Variants in PTPRN2 observed in about 807,000 individuals in gnomAD.
PTPRN2 encodes the protein receptor-type tyrosine-protein phosphatase N2.
A neutral mutation model predicts 118.8 loss-of-function variants in PTPRN2; 74 were observed. The observed-to-expected ratio is 0.62, with a 90% confidence interval of 0.52 to 0.76. The LOEUF is 0.76. Ranked by LOEUF, PTPRN2 falls within the 30% of genes least tolerant of loss-of-function variation. The pLI, the probability that PTPRN2 is intolerant of heterozygous loss-of-function variation, is 0.00. For missense variants in PTPRN2, 1,481 were observed against 1,394.4 expected, an observed-to-expected ratio of 1.06 and a Z score of -0.99; for synonymous variants, 641 against 608.0, an observed-to-expected ratio of 1.05 and a Z score of -0.80.
At chr7:157,570,971 G>A (rs1448377673) in intron 20 of PTPRN2, among the ~76,000 whole-genome samples, 2 of 152,150 alleles carry the variant, frequency 1.3e-5, no homozygotes, top group African/African-American at 2.4e-5. Flanking sequence ...GAGGCCTCGC[G>A]CGGTGGCTCA....
chr7:157,709,535 A>C (rs1409036624), intron 12 of PTPRN2, among the ~76,000 whole-genome samples: 1 of 152,088 alleles, frequency 6.6e-6, no homozygotes, highest in African/African-American at 2.4e-5. Flanking sequence ...TTCCCTCCCA[A>C]GTGGGCACCC....
chr7:157,887,022 A>ACACCCAC (rs1796494341), intron 12 of PTPRN2, among the ~76,000 whole-genome samples: 1 of 151,654 alleles, frequency 6.6e-6, no homozygotes, highest in East Asian at 1.9e-4. Context: ...CCAAGCCCAC[A>ACACCCAC]GCGGGCCTGT....
intron 12 of PTPRN2, among the ~76,000 whole-genome samples, chr7:157,696,801 A>G: frequency 7.1e-6 from 1 of 141,354 alleles, no homozygotes; most frequent in African/African-American, 2.7e-5. Flanking sequence ...GGATCTTGGC[A>G]GAGCCCTCAC....
chr7:157,842,322 C>T (rs1808481422), intron 12 of PTPRN2, among the ~76,000 whole-genome samples: 1 of 151,420 alleles, frequency 6.6e-6, no homozygotes, highest in African/African-American at 2.4e-5. Flanking sequence ...TCTATCTGCT[C>T]TTATTTTCCC....
In PTPRN2 at chr7:157,671,712, G is replaced by A. The variant is rs540909773; in HGVS notation, c.2001+11013C>T. Among the ~76,000 whole-genome samples, 65 of 152,206 alleles carry A rather than the reference G, an allele frequency of 4.3e-4. 2 individuals carry two copies. The South Asian group carries it at 4.8e-3, about 11-fold the overall frequency. On this transcript the variant is annotated intron_variant, in intron 13 of 22. Coordinates refer to ENST00000389418, the MANE Select transcript of PTPRN2 (RefSeq NM_002847.5). This position sits in a 1 kb window ranked among gnomAD's most constrained non-coding sequence, Gnocchi z 4.1. ...CTGGAGCAGCTGCTTCTCCATTTTC[G>A]GAACTGCACGTCGTTCTGGGGCCCA...
At chr7:157,792,989 T>C (rs1804614626) in intron 12 of PTPRN2, among the ~76,000 whole-genome samples, 1 of 152,234 alleles carries the variant, frequency 6.6e-6, no homozygotes, top group African/African-American at 2.4e-5. Flanking sequence ...TTGGGATTAA[T>C]CAGCAGTGAT....
chr7:157,609,073 C>T lies in PTPRN2; in HGVS notation c.2345-4998G>A, dbSNP rs530284283. ...CTGACCCTTTACTGTGTTTATCATG[C>T]GTTAGTGCCTTGTTCAACAATATTT... is the stretch of plus-strand genomic sequence containing the variant. On this transcript the variant is annotated intron_variant, in intron 15 of 22. Coordinates refer to ENST00000389418, the MANE Select transcript of PTPRN2 (RefSeq NM_002847.5). This position sits in a 1 kb window ranked among gnomAD's most constrained non-coding sequence, Gnocchi z 4.9. Among the ~76,000 whole-genome samples the T allele has an allele frequency of 5.9e-5, 9 of 152,244 alleles. No individual in the cohort carries two copies. Among genetic ancestry groups the T allele is most frequent in the Admixed American group, 1.3e-4 (2 of 15,280 alleles).
At chr7:157,999,513 AG>A in intron 11 of PTPRN2, among the ~76,000 whole-genome samples, 1 of 152,264 alleles carries the variant, frequency 6.6e-6, no homozygotes, top group South Asian at 2.1e-4. Flanking sequence ...CCACCAACAC[AG>A]GCAGGGGAAA....
chr7:158,446,131 C>T (rs1313532647), intron 2 of PTPRN2, among the ~76,000 whole-genome samples: 1 of 152,026 alleles, frequency 6.6e-6, no homozygotes, highest in Non-Finnish European at 1.5e-5. Flanking sequence ...CACACAGTTG[C>T]CCAAAGTCCG....
intron 2 of PTPRN2, among the ~76,000 whole-genome samples, chr7:158,357,605 G>A (rs779988928): frequency 6.6e-6 from 1 of 152,242 alleles, no homozygotes; most frequent in African/African-American, 2.4e-5. Flanking sequence ...TCAGCTGCGG[G>A]TGCTAAGAAA....
chr7:158,478,709 G>A (rs1180975426), intron 2 of PTPRN2, among the ~76,000 whole-genome samples: 1 of 152,120 alleles, frequency 6.6e-6, no homozygotes, highest in Non-Finnish European at 1.5e-5. Context: ...GTGGGGGGCA[G>A]ACGAGAAACA....
rs1487854499 is a variant in PTPRN2, at chr7:158,011,815, TA to T, written c.1723+69482del. ...ATATATGCGAGATGAGTTTTGTTTTTAAAAAGAGAAAAAGAACAATCTTACT... is the reference window on the plus strand; with the variant it reads ...ATATATGCGAGATGAGTTTTGTTTTTAAAAGAGAAAAAGAACAATCTTACT... On this transcript the variant is annotated intron_variant, in intron 11 of 22. Coordinates refer to ENST00000389418, the MANE Select transcript of PTPRN2 (RefSeq NM_002847.5). Among the ~76,000 whole-genome samples, 22 of 152,296 alleles carry T rather than the reference TA, an allele frequency of 1.4e-4. 1 individual carries two copies. The highest frequency in any genetic ancestry group is 9.1e-4 in the Admixed American group (14 of 15,302).
Position 158,003,707 on chromosome 7 carries a change from C to T in PTPRN2, c.1723+77591G>A, listed in dbSNP as rs1448113167. ...TGACAGGGGTGGGGAAGCACGCCAT[C>T]CGGGCTCCAGCCCTGCGGTTGGCGG... On this transcript the variant is annotated intron_variant, in intron 11 of 22. Transcript: ENST00000389418. This position sits in a 1 kb window ranked among gnomAD's most constrained non-coding sequence, Gnocchi z 5.0. Among the ~76,000 whole-genome samples, 1 of 151,910 alleles carries T rather than the reference C, an allele frequency of 6.6e-6. No individual in the cohort carries two copies. Among genetic ancestry groups the T allele is most frequent in the Non-Finnish European group, 1.5e-5 (1 of 67,988 alleles).
intron 3 of PTPRN2, among the ~76,000 whole-genome samples, chr7:158,262,508 G>GCA (rs10694811): frequency 0.87 from 124,844 of 143,182 alleles, 54,278 homozygotes; most frequent in South Asian, 0.93. Context: ...CACACACACT[G>GCA]CACACACATT....
chr7:157,745,315 G>C (rs1800855997), intron 12 of PTPRN2, among the ~76,000 whole-genome samples: 1 of 152,212 alleles, frequency 6.6e-6, no homozygotes, highest in Admixed American at 6.5e-5. Context: ...AGAAGCTTCT[G>C]CACGGACTCG....
intron 22 of PTPRN2, among the ~76,000 whole-genome samples, chr7:157,546,763 G>C (rs1398570308): frequency 6.6e-6 from 1 of 152,214 alleles, no homozygotes; most frequent in Admixed American, 6.5e-5. Context: ...GGCATGTAAT[G>C]ATTGTGACTG....
intron 9 of PTPRN2, among the ~76,000 whole-genome samples, chr7:158,131,595 C>A (rs527579274): frequency 1.1e-4 from 17 of 149,450 alleles, no homozygotes; most frequent in African/African-American, 4.2e-4. Context: ...TACACACACA[C>A]GAACATACAA....
intron 11 of PTPRN2, among the ~76,000 whole-genome samples, chr7:157,997,652 G>A (rs928602261): frequency 2.6e-5 from 4 of 151,532 alleles, no homozygotes; most frequent in African/African-American, 7.3e-5. Flanking sequence ...ACAGAAAGCC[G>A]GGTTTCTACA....
At chr7:157,717,727 G>A (rs887905025) in intron 12 of PTPRN2, among the ~76,000 whole-genome samples, 18 of 152,354 alleles carry the variant, frequency 1.2e-4, no homozygotes, top group Admixed American at 2.6e-4. Context: ...TGGGGTGGCC[G>A]GGGCACGCAG....
Sources: allele counts gnomAD v4.1 joint callset (sites outside exome capture counted in the v4.1 genomes callset), GRCh38; gene constraint gnomAD v4.1.1; non-coding constraint Gnocchi (gnomAD v3.1); transcripts MANE v1.5; gene names NCBI Gene and HGNC (gene_info 2026-07-23, HGNC 2026-07-21).